THAP9: variants seen among roughly 807,000 people sequenced by gnomAD.
THAP9 encodes DNA transposase THAP9.
THAP9 carries 20 observed loss-of-function variants against 35.7 expected under a neutral mutation model. The ratio of observed to expected loss-of-function variants is 0.56; its 90% CI spans 0.39 to 0.81. The LOEUF (loss-of-function observed/expected upper bound fraction) is 0.81. THAP9 is among the 40% of genes least tolerant of loss of function. The probability of loss-of-function intolerance (pLI) is 0.00; values close to 1 mark genes in which losing one functional copy is unlikely to be tolerated. For missense variants in THAP9, 870 were observed against 1,047.4 expected (o/e 0.83, Z 2.34); for synonymous variants, 335 against 373.7 (o/e 0.90, Z 1.19).
rs553812031 is a variant in THAP9 at position 82,904,781 on chromosome 4, T to C, written c.126T>C (p.Val42=). The C allele has an allele frequency of 1.6e-5, 26 of 1,614,040 alleles. No homozygotes were observed. The South Asian group carries it at 2.5e-4, about 16-fold the overall frequency. ...AGCGCTCAAAATGGATCAGGGCTGT[T>C]AATCGTGTGGACCCCAGAAGCAAAA... is the stretch of plus-strand genomic sequence containing the variant. ...TIQRSKWIRA[V]NRVDPRSKKI... Residue 42 remains valine (V), a synonymous_variant, in exon 2 of 5, where the codon GTT becomes GTC. Transcript: ENST00000302236.
chr4:82,911,238 A>C (rs1720854151), intron 4 of THAP9, among the ~76,000 whole-genome samples: 1 of 152,176 alleles, frequency 6.6e-6, no homozygotes, highest in Non-Finnish European at 1.5e-5. Flanking sequence ...AAAGGCCAGA[A>C]GTACAGATAA....
intron 3 of THAP9, 119 bp downstream of exon 3, chr4:82,906,746 C>G (rs1480312571): frequency 2.1e-6 from 2 of 969,204 alleles, no homozygotes; most frequent in East Asian, 5.5e-5. Context: ...GTGAAAGTCT[C>G]AGTAGCTTAA....
At position 82,917,406 on chromosome 4, in the gene THAP9, A is replaced by C. The variant is rs756375424; in HGVS notation, c.1194A>C (p.Thr398=). Residue 398 remains threonine (T), a synonymous_variant, in exon 5 of 5, where the codon ACA becomes ACC. Coordinates refer to ENST00000302236, the MANE Select transcript of THAP9 (RefSeq NM_024672.6). ...IHIDGDDMKC[T]FQHPSSSSQQ... ...TTGATGGAGACGACATGAAATGTACATTTCAGCATCCTTCATCTTCTAGTC... is the reference window on the plus strand; with the variant it reads ...TTGATGGAGACGACATGAAATGTACCTTTCAGCATCCTTCATCTTCTAGTC... 1.9e-6 allele frequency: 3 copies of C among 1,613,942 alleles called. No individual in the cohort carries two copies. Among genetic ancestry groups the C allele is most frequent in the South Asian group, 1.1e-5 (1 of 91,082 alleles).
Position 82,917,812 on chromosome 4 carries a change from C to T in THAP9, c.1600C>T (p.Pro534Ser). 2 of 1,613,674 alleles carry T rather than the reference C, an allele frequency of 1.2e-6. No individual in the cohort carries two copies. Among genetic ancestry groups the T allele is most frequent in the Non-Finnish European group, 1.7e-6 (2 of 1,179,946 alleles). Residue 534 changes from proline (P) to serine (S), a missense_variant, in exon 5 of 5, where the codon CCT (proline) becomes TCT (serine). Pro to Ser is a moderately conservative substitution (Grantham distance 74, BLOSUM62 -1). Around this residue, in one of 3 missense-constraint regions of THAP9, gnomAD observed 414 missense variants for 500.8 expected, o/e 0.83. Coordinates refer to ENST00000302236, the MANE Select transcript of THAP9 (RefSeq NM_024672.6). The part of the protein sequence containing the change: ...RNCYGKGLKG[P>S]LLPETYSKIN... ...CTGTTATGGAAAGGGACTTAAAGGG[C>T]CTCTGTTGCCTGAAACTTACAGTAA...
chr4:82,905,910 C>T (rs1560693012), intron 2 of THAP9: 1 of 456,342 alleles, frequency 2.2e-6, no homozygotes. Context: ...ATTGAGGGAG[C>T]TAAGATTCAA....
chr4:82,904,744 C>A lies in THAP9; in HGVS notation c.89C>A (p.Thr30Asn). 1 of 1,614,064 alleles carries A rather than the reference C, an allele frequency of 6.2e-7. No homozygotes were observed. The highest frequency in any genetic ancestry group is 8.5e-7 in the Non-Finnish European group (1 of 1,179,998). Residue 30 changes from threonine (T) to asparagine (N), a missense_variant, in exon 2 of 5, where the codon ACT becomes AAT. Thr to Asn is a moderately conservative substitution (Grantham distance 65). This residue lies in a region of THAP9 where 440 missense variants were observed against 501.2 expected (regional missense o/e 0.88). Coordinates refer to ENST00000302236, the MANE Select transcript of THAP9 (RefSeq NM_024672.6). ...ERGLSFHQFP[T>N]DTIQRSKWIR... Reference sequence around the variant, plus strand: ...TAATGTGATTGTCATAGATTTCCAACTGATACCATACAGCGCTCAAAATGG... The same window carrying A: ...TAATGTGATTGTCATAGATTTCCAAATGATACCATACAGCGCTCAAAATGG...
Position 82,918,189 on chromosome 4 carries a change from T to C in THAP9, c.1977T>C (p.Phe659=). ...TTTTTCTAAGCAAAGTAAGCATCTTTGACATTTCAATTGCTCGAAGGAAAG... is the reference window on the plus strand; with the variant it reads ...TTTTTCTAAGCAAAGTAAGCATCTTCGACATTTCAATTGCTCGAAGGAAAG... ...DEVFLSKVSI[F]DISIARRKDL... is the part of the protein sequence containing the mutation. The change falls in exon 5 of 5, where the codon TTT becomes TTC. Residue 659 remains phenylalanine (F), a synonymous_variant. Transcript: ENST00000302236. 6.2e-7 allele frequency: 1 copy of C among 1,614,188 alleles called. No homozygotes were observed. Among genetic ancestry groups the C allele is most frequent in the South Asian group, 1.1e-5 (1 of 91,082 alleles).
rs1301981916 is a variant in THAP9 at position 82,900,735 on chromosome 4, G to A, written c.-68G>A. 1 of 1,536,660 alleles carries A rather than the reference G, an allele frequency of 6.5e-7. No individual in the cohort carries two copies. The highest frequency in any genetic ancestry group is 9.0e-7 in the Non-Finnish European group (1 of 1,112,954). On this transcript the variant is annotated 5_prime_UTR_variant, in exon 1 of 5. Coordinates refer to ENST00000302236, the MANE Select transcript of THAP9 (RefSeq NM_024672.6). ...GGTCGTAGCCGCAGAGTCAACGGGC[G>A]GAGCTAAAGTGGTCGTGATTCATGC...
chr4:82,916,254 GGAA>G (rs1050806478), intron 4 of THAP9, among the ~76,000 whole-genome samples: 3 of 152,132 alleles, frequency 2.0e-5, no homozygotes, highest in African/African-American at 4.8e-5. Context: ...TTAACTAGAA[GGAA>G]GAAGAATTCC....
Position 82,900,873 on chromosome 4 carries a change from C to G in THAP9, c.71C>G (p.Ser24Cys). ...GTGCTCAGCCGGGAGCGCGGCCTCT[C>G]CTTCCACCAGTGCGTATGGGAGCAG... is the stretch of plus-strand genomic sequence containing the variant. The part of the protein sequence containing the change: ...DTVLSRERGL[S>C]FHQFPTDTIQ... The change falls in exon 1 of 5, where the codon TCC becomes TGC. Residue 24 changes from serine to cysteine, a missense_variant. Ser to Cys is a moderately radical substitution (Grantham distance 112). This residue lies in a region of THAP9 where 440 missense variants were observed against 501.2 expected (regional missense o/e 0.88). Coordinates refer to ENST00000302236, the MANE Select transcript of THAP9 (RefSeq NM_024672.6). The G allele has an allele frequency of 1.2e-6, 2 of 1,613,434 alleles. No individual in the cohort carries two copies. Among genetic ancestry groups the G allele is most frequent in the South Asian group, 1.1e-5 (1 of 91,080 alleles).
chr4:82,917,590 A>G lies in THAP9; in HGVS notation c.1378A>G (p.Arg460Gly). The G allele has an allele frequency of 6.2e-7, 1 of 1,614,144 alleles. No homozygotes were observed. The highest frequency in any genetic ancestry group is 8.5e-7 in the Non-Finnish European group (1 of 1,179,992). Residue 460 changes from arginine (R) to glycine (G), a missense_variant, in exon 5 of 5, where the codon AGA becomes GGA. Around this residue, in one of 3 missense-constraint regions of THAP9, gnomAD observed 16 missense variants for 45.5 expected, o/e 0.35. Coordinates refer to ENST00000302236, the MANE Select transcript of THAP9 (RefSeq NM_024672.6). Reference protein sequence around the residue: ...LEEQELSNMERIPSTLANLKN... With the variant: ...LEEQELSNMEGIPSTLANLKN... The stretch of plus-strand genomic sequence containing the variant: ...GGAACAGGAATTATCAAATATGGAA[A>G]GAATACCAAGTACACTTGCAAATTT...
At chr4:82,913,290 G>A (rs371193363) in intron 4 of THAP9, 22 of 152,150 alleles carry the variant, frequency 1.4e-4, no homozygotes, top group Admixed American at 9.8e-4. Flanking sequence ...ATACCATTGA[G>A]ATTTCCATTT....
chr4:82,919,225 C>T lies in THAP9; in HGVS notation c.*301C>T, dbSNP rs956661807. Reference sequence around the variant, plus strand: ...GCAGTGTTACTGGACACAGTTTTAACTTGTTCAATCTGCTTCAAAAACAAG... The same window carrying T: ...GCAGTGTTACTGGACACAGTTTTAATTTGTTCAATCTGCTTCAAAAACAAG... On this transcript the variant is annotated 3_prime_UTR_variant, in exon 5 of 5. Coordinates refer to ENST00000302236, the MANE Select transcript of THAP9 (RefSeq NM_024672.6). 4.5e-5 allele frequency: 9 copies of T among 198,636 alleles called. No individual in the cohort carries two copies. Among genetic ancestry groups the T allele is most frequent in the African/African-American group, 1.9e-4 (8 of 43,036 alleles). 12.3% of individuals were successfully genotyped at this position (198,636 alleles called of 1,614,324 possible). A position where few individuals can be genotyped will look rare whatever the true frequency, so the allele number is the denominator to read the frequency against.
At chr4:82,911,873 C>T (rs1391390583) in intron 4 of THAP9, among the ~76,000 whole-genome samples, 1 of 152,080 alleles carries the variant, frequency 6.6e-6, no homozygotes, top group African/African-American at 2.4e-5. Context: ...GATTTGTGGT[C>T]AAAACTGTTG....
In THAP9 at chr4:82,907,784, G is replaced by A; in HGVS notation, c.581-1G>A. 1 of 1,574,184 alleles carries A rather than the reference G, an allele frequency of 6.4e-7. No individual in the cohort carries two copies. Among genetic ancestry groups the A allele is most frequent in the Non-Finnish European group, 8.6e-7 (1 of 1,167,076 alleles). On this transcript the variant is annotated splice_acceptor_variant, in intron 3 of 4. Transcript: ENST00000302236. LOFTEE classifies it high-confidence loss of function. ...AAGAATAAAAAAATTTATTTTAACA[G>A]ATTTTAAGTGGGAGTTATATAATTG...
chr4:82,915,454 A>C (rs1721006278), intron 4 of THAP9, among the ~76,000 whole-genome samples: 1 of 151,834 alleles, frequency 6.6e-6, no homozygotes, highest in African/African-American at 2.4e-5. Context: ...ATGAGGTTTC[A>C]CCATGTTGGC....
intron 2 of THAP9, chr4:82,905,736 G>A (rs932031623): frequency 7.9e-6 from 3 of 381,394 alleles, no homozygotes; most frequent in African/African-American, 6.4e-5. Context: ...ATACTTTTGT[G>A]TAAAATCAAT....
Position 82,907,850 on chromosome 4 carries a change from G to T in THAP9, c.646G>T (p.Ala216Ser), listed in dbSNP as rs1358484177. 3.1e-6 allele frequency: 5 copies of T among 1,611,016 alleles called. No homozygotes were observed. The highest frequency in any genetic ancestry group is 4.2e-6 in the Non-Finnish European group (5 of 1,178,678). ...GTACTCCGCAGAAATGAAACAATTTGCATGTACACTCTACTTGTGCAGTAG... is the reference window on the plus strand; with the variant it reads ...GTACTCCGCAGAAATGAAACAATTTTCATGTACACTCTACTTGTGCAGTAG... ...DEYSAEMKQF[A>S]CTLYLCSSKV... is the part of the protein sequence containing the mutation. The change falls in exon 4 of 5, where the codon GCA becomes TCA. Residue 216 changes from alanine to serine, a missense_variant. Around this residue, in one of 3 missense-constraint regions of THAP9, gnomAD observed 440 missense variants for 501.2 expected, o/e 0.88. Coordinates refer to ENST00000302236, the MANE Select transcript of THAP9 (RefSeq NM_024672.6).
Position 82,918,566 on chromosome 4 carries a change from T to C in THAP9, c.2354T>C (p.Met785Thr), listed in dbSNP as rs1721129871. ...CGAGTTGTAAGAACCCATTCAAGAA[T>C]GGCAATTTTTGAACTAGTTTCTAAA... The part of the protein sequence containing the change: ...CERVVRTHSR[M>T]AIFELVSKQR... Residue 785 changes from methionine (M) to threonine (T), a missense_variant, in exon 5 of 5, where the codon ATG becomes ACG. Physicochemically the swap from Met to Thr is moderately conservative, Grantham distance 81 (BLOSUM62 -1). Around this residue, in one of 3 missense-constraint regions of THAP9, gnomAD observed 414 missense variants for 500.8 expected, o/e 0.83. Coordinates refer to ENST00000302236, the MANE Select transcript of THAP9 (RefSeq NM_024672.6). 3.7e-6 allele frequency: 6 copies of C among 1,614,044 alleles called. No individual in the cohort carries two copies. The highest frequency in any genetic ancestry group is 4.2e-6 in the Non-Finnish European group (5 of 1,179,946).
Sources: allele counts gnomAD v4.1 joint callset (sites outside exome capture counted in the v4.1 genomes callset), GRCh38; gene constraint gnomAD v4.1.1; regional missense constraint gnomAD v4.1.1; transcripts MANE v1.5; gene names NCBI Gene and HGNC (gene_info 2026-07-23, HGNC 2026-07-21).